Variants in TYW1B observed in about 807,000 individuals in gnomAD.
TYW1B encodes S-adenosyl-L-methionine-dependent tRNA 4-demethylwyosine synthase TYW1B.
In TYW1B, 73 loss-of-function variants were observed where a neutral mutation model predicts 86.9. That is an observed-to-expected ratio of 0.84 (90% CI 0.70 to 1.02). TYW1B has a LOEUF of 1.02. TYW1B is among the 50% of genes least tolerant of loss of function. The probability of loss-of-function intolerance (pLI) is 0.00; values close to 1 mark genes in which losing one functional copy is unlikely to be tolerated. For missense variants in TYW1B, 637 were observed against 827.4 expected (o/e 0.77, Z 2.82); for synonymous variants, 248 against 292.8 (o/e 0.85, Z 1.56).
intron 13 of TYW1B, among the ~76,000 whole-genome samples, chr7:72,579,124 C>T (rs1811090464): frequency 6.6e-6 from 1 of 151,912 alleles, no homozygotes; most frequent in South Asian, 2.1e-4. Context: ...CAAATATACA[C>T]ACACAAGCTG....
intron 6 of TYW1B, among the ~76,000 whole-genome samples, chr7:72,790,269 T>C (rs1788198210): frequency 6.6e-6 from 1 of 152,036 alleles, no homozygotes; most frequent in Non-Finnish European, 1.5e-5. Flanking sequence ...TTACTCATGG[T>C]GAGCCCTTCA....
chr7:72,657,183 A>G (rs544696794), intron 11 of TYW1B, among the ~76,000 whole-genome samples: 12 of 152,360 alleles, frequency 7.9e-5, no homozygotes, highest in African/African-American at 2.9e-4. Flanking sequence ...AAATCTTGGA[A>G]CAGAAGAATT....
In TYW1B at chr7:72,714,908, C is replaced by A. The variant is rs141259159; in HGVS notation, c.1193-1110G>T. Reference sequence around the variant, plus strand: ...CTCCAGCCTGGGCAACAGAGTGAGACTCCGTCTCCAAAAAAAACCAAAAAT... The same window carrying A: ...CTCCAGCCTGGGCAACAGAGTGAGAATCCGTCTCCAAAAAAAACCAAAAAT... On this transcript the variant is annotated intron_variant, in intron 9 of 13. Coordinates refer to ENST00000620995, the MANE Select transcript of TYW1B (RefSeq NM_001145440.3). 6.5e-3 allele frequency among the ~76,000 whole-genome samples: 994 copies of A among 152,292 alleles called. 10 individuals are homozygous for A. Among genetic ancestry groups the A allele is most frequent in the African/African-American group, 0.022 (901 of 41,560 alleles).
chr7:72,632,817 T>C (rs1417820551), intron 11 of TYW1B, among the ~76,000 whole-genome samples: 36 of 152,068 alleles, frequency 2.4e-4, no homozygotes, highest in Admixed American at 1.1e-3. Flanking sequence ...ACAAAATAGA[T>C]TGGATTATTA....
intron 13 of TYW1B, among the ~76,000 whole-genome samples, chr7:72,576,662 G>A (rs1304494823): frequency 6.6e-6 from 1 of 151,934 alleles, no homozygotes; most frequent in Non-Finnish European, 1.5e-5. Flanking sequence ...CTTGGCTCCC[G>A]CTAGCACACC....
At chr7:72,639,336 T>A (rs1357735184) in intron 11 of TYW1B, among the ~76,000 whole-genome samples, 1 of 152,062 alleles carries the variant, frequency 6.6e-6, no homozygotes, top group African/African-American at 2.4e-5. Flanking sequence ...CCAGTTAATT[T>A]TTTTACTTTT....
At chr7:72,772,783 T>C (rs1554469893) in intron 7 of TYW1B, among the ~76,000 whole-genome samples, 1 of 152,140 alleles carries the variant, frequency 6.6e-6, no homozygotes, top group Non-Finnish European at 1.5e-5. Context: ...AATGGAGAAA[T>C]ACAGTCTGGA....
chr7:72,757,386 A>G (rs1787610830), intron 7 of TYW1B, among the ~76,000 whole-genome samples: 1 of 151,294 alleles, frequency 6.6e-6, no homozygotes, highest in African/African-American at 2.4e-5. Context: ...AAAAAAAAAA[A>G]CCAGAAATGC....
chr7:72,680,819 T>C (rs1346378403), intron 11 of TYW1B, among the ~76,000 whole-genome samples: 3 of 152,214 alleles, frequency 2.0e-5, no homozygotes, highest in Non-Finnish European at 4.4e-5. Context: ...AGAAGTATGA[T>C]AGAAATGAGG....
chr7:72,632,301 G>T (rs1226258388), intron 11 of TYW1B, among the ~76,000 whole-genome samples: 1 of 55,842 alleles, frequency 1.8e-5, no homozygotes, highest in East Asian at 9.0e-4. Context: ...ATATATATAC[G>T]TGTATATATA....
At chr7:72,735,148 C>T (rs1787176044) in intron 8 of TYW1B, among the ~76,000 whole-genome samples, 1 of 152,206 alleles carries the variant, frequency 6.6e-6, no homozygotes, top group Non-Finnish European at 1.5e-5. Flanking sequence ...GAGACAGCTG[C>T]ATTCTCATGC....
rs1554436923 is a variant in TYW1B, at chr7:72,616,703, T to C, written c.1754A>G (p.His585Arg). 2 of 1,614,060 alleles carry C rather than the reference T, an allele frequency of 1.2e-6. No homozygotes were observed. The highest frequency in any genetic ancestry group is 1.1e-5 in the South Asian group (1 of 91,068). The change falls in exon 13 of 14, where the codon CAC becomes CGC. Residue 585 changes from histidine (H) to arginine (R), a missense_variant. Transcript: ENST00000620995. ...PEYEIACEHE[H>R]SNCLLIAHRK... Reference sequence around the variant, plus strand: ...GTGTGCTATCAGGAGGCAATTAGAGTGTTCGTGTTCACATGCAATTTCATA... The same window carrying C: ...GTGTGCTATCAGGAGGCAATTAGAGCGTTCGTGTTCACATGCAATTTCATA...
At chr7:72,632,309 ATATTATATATATT>A (rs1563038413) in intron 11 of TYW1B, among the ~76,000 whole-genome samples, 1 of 93,948 alleles carries the variant, frequency 1.1e-5, no homozygotes, top group East Asian at 4.0e-4. Context: ...ACGTGTATAT[ATATTATATATATT>A]ATATATATAT....
chr7:72,825,608 G>A (rs1201631904), intron 2 of TYW1B, among the ~76,000 whole-genome samples: 14 of 152,172 alleles, frequency 9.2e-5, no homozygotes, highest in Admixed American at 6.6e-5. Flanking sequence ...TGAGGTGGAG[G>A]TGGAGGTTGC....
chr7:72,614,108 C>T (rs1812007129), intron 13 of TYW1B, among the ~76,000 whole-genome samples: 1 of 152,036 alleles, frequency 6.6e-6, no homozygotes. Context: ...AAAATGGTAA[C>T]AGGTGATTTT....
chr7:72,590,248 C>T (rs34702060), intron 13 of TYW1B, among the ~76,000 whole-genome samples: 37 of 152,252 alleles, frequency 2.4e-4, no homozygotes, highest in African/African-American at 7.2e-4. Context: ...CAGTCCCTGA[C>T]GACTCAGCCC....
chr7:72,680,200 G>C (rs1433033661), intron 11 of TYW1B, among the ~76,000 whole-genome samples: 1 of 152,048 alleles, frequency 6.6e-6, no homozygotes, highest in Admixed American at 6.6e-5. Context: ...TGTCTGTGAG[G>C]GTGTTGCCAA....
intron 13 of TYW1B, among the ~76,000 whole-genome samples, chr7:72,613,299 T>C (rs1554436278): frequency 2.0e-5 from 3 of 151,718 alleles, no homozygotes; most frequent in African/African-American, 7.3e-5. Flanking sequence ...GGTTGTAAAA[T>C]GAGTAAACAA....
At chr7:72,719,571 C>A (rs1459599867) in intron 9 of TYW1B, among the ~76,000 whole-genome samples, 1 of 132,310 alleles carries the variant, frequency 7.6e-6, no homozygotes. Context: ...GCGGAGGTTG[C>A]AGTGAACCGA....
Sources: allele counts gnomAD v4.1 joint callset (sites outside exome capture counted in the v4.1 genomes callset), GRCh38; gene constraint gnomAD v4.1.1; transcripts MANE v1.5; gene names NCBI Gene and HGNC (gene_info 2026-07-23, HGNC 2026-07-21).